The following ANO5 variants were observed in gnomAD, a reference collection of about 807,000 sequenced individuals.
ANO5 encodes anoctamin 5.
ANO5 carries 109 observed loss-of-function variants against 121.0 expected under a neutral mutation model. The ratio of observed to expected loss-of-function variants is 0.90; its 90% CI spans 0.77 to 1.06. The LOEUF is 1.06. Among genes scored for constraint, ANO5 ranks in the 50% least tolerant of loss-of-function variants. The pLI is 0.00. For synonymous variants in ANO5, 406 were observed against 359.9 expected (o/e 1.13, Z -1.45); for missense variants, 1,064 against 1,078.5 (o/e 0.99, Z 0.19).
rs1041937222 is a variant in ANO5 at position 22,197,604 on chromosome 11, G to A, written c.40+4072G>A. 4.6e-5 allele frequency among the ~76,000 whole-genome samples: 7 copies of A among 152,272 alleles called. 1 individual carries two copies. Among genetic ancestry groups the A allele is most frequent in the African/African-American group, 1.7e-4 (7 of 41,558 alleles). On this transcript the variant is annotated intron_variant, in intron 1 of 21. Transcript: ENST00000324559. ...TCCGTCTTTAGTAATGTTAATATTT[G>A]ATTAGAAATATTTTATTTTATACTG...
intron 8 of ANO5, among the ~76,000 whole-genome samples, chr11:22,239,011 TAGTC>T (rs1264431618): frequency 6.6e-6 from 1 of 152,144 alleles, no homozygotes; most frequent in Non-Finnish European, 1.5e-5. Context: ...TTAATAATAT[TAGTC>T]AGTATCTAAC....
chr11:22,247,352 A>G (rs2133693655), intron 9 of ANO5, among the ~76,000 whole-genome samples: 1 of 152,266 alleles, frequency 6.6e-6, no homozygotes, highest in South Asian at 2.1e-4. Context: ...AGAAAAGGAT[A>G]TTGCTCAATT....
intron 1 of ANO5, among the ~76,000 whole-genome samples, chr11:22,201,175 A>T (rs1182324521): frequency 6.6e-6 from 1 of 152,096 alleles, no homozygotes; most frequent in Non-Finnish European, 1.5e-5. Flanking sequence ...TTGGCTTTTC[A>T]TTTGCAGCCA....
intron 7 of ANO5, among the ~76,000 whole-genome samples, chr11:22,233,610 T>G (rs180971081): frequency 5.9e-4 from 89 of 151,964 alleles, no homozygotes; most frequent in African/African-American, 2.1e-3. Context: ...CAAAAAGAAG[T>G]CAGACTGAGC....
In ANO5 at chr11:22,255,417, A is replaced by G. The variant is rs781554633; in HGVS notation, c.1227A>G (p.Glu409=). Reference sequence around the variant, plus strand: ...GGAAACAACGACAAGCCAGACTGGAATATGAATGGGACCTGGTGGACTTTG... The same window carrying G: ...GGAAACAACGACAAGCCAGACTGGAGTATGAATGGGACCTGGTGGACTTTG... The part of the protein sequence containing the change: ...EFWKQRQARL[E]YEWDLVDFEE... The change falls in exon 13 of 22, where the codon GAA becomes GAG. Residue 409 remains glutamate (E), a synonymous_variant. Transcript: ENST00000324559. 3.7e-6 allele frequency: 6 copies of G among 1,612,718 alleles called. No homozygotes were observed. Among genetic ancestry groups the G allele is most frequent in the Non-Finnish European group, 5.1e-6 (6 of 1,179,006 alleles).
At chr11:22,242,664 G>A (rs1853470898) in intron 9 of ANO5, among the ~76,000 whole-genome samples, 1 of 152,048 alleles carries the variant, frequency 6.6e-6, no homozygotes, top group African/African-American at 2.4e-5. Flanking sequence ...TTGAAAATGG[G>A]ATTGTGTTCT....
rs1047405154 is a variant in ANO5, at chr11:22,255,249, C to G, written c.1181-122C>G. ...TTGATGAAGTTTTAATCAAACACAA[C>G]AGTGAAAGAATAGCCACCTGAAACA... On this transcript the variant is annotated intron_variant, in intron 12 of 21. Coordinates refer to ENST00000324559, the MANE Select transcript of ANO5 (RefSeq NM_213599.3). The G allele has an allele frequency of 5.7e-6, 4 of 700,882 alleles. No homozygotes were observed. In the African/African-American group the frequency reaches 7.2e-5, roughly 13 times the overall value. The allele number at this position is 700,882 out of a possible 1,614,324, so 43.4% of individuals were successfully genotyped here.
At chr11:22,272,230 A>G (rs905561841) in intron 18 of ANO5, among the ~76,000 whole-genome samples, 4 of 151,894 alleles carry the variant, frequency 2.6e-5, no homozygotes, top group Admixed American at 6.6e-5. Flanking sequence ...ATTTAGAAAG[A>G]TGTCATGATA....
rs769167407 is a variant in ANO5, at chr11:22,211,269, C to G, written c.93C>G (p.Ser31Arg). The G allele has an allele frequency of 6.2e-7, 1 of 1,612,002 alleles. No individual in the cohort carries two copies. Among genetic ancestry groups the G allele is most frequent in the Non-Finnish European group, 8.5e-7 (1 of 1,178,558 alleles). ...TCTTCCCCTGGTACTGTTAGCAGAG[C>G]CTGAGCAGCAGAGAGACCAGCTTTC... ...IDYSFQMSEQ[S>R]LSSRETSFLI... Residue 31 changes from serine (S) to arginine (R), a missense_variant, in exon 3 of 22, where the codon AGC becomes AGG. Transcript: ENST00000324559.
In ANO5 at chr11:22,244,247, C is replaced by G. The variant is rs150551519; in HGVS notation, c.878+4563C>G. Among the ~76,000 whole-genome samples, 17 of 152,178 alleles carry G rather than the reference C, an allele frequency of 1.1e-4. 1 individual carries two copies. The East Asian group carries it at 3.1e-3, about 28-fold the overall frequency. ...CAAATAGGCTTCCAATCTCTTCTGGCTTGTAAGATTTCTGCTGACAGGTCT... is the reference window on the plus strand; with the variant it reads ...CAAATAGGCTTCCAATCTCTTCTGGGTTGTAAGATTTCTGCTGACAGGTCT... On this transcript the variant is annotated intron_variant, in intron 9 of 21. Transcript: ENST00000324559.
At chr11:22,275,662 A>G (rs916292424) in intron 20 of ANO5, among the ~76,000 whole-genome samples, 2 of 151,930 alleles carry the variant, frequency 1.3e-5, no homozygotes, top group African/African-American at 4.8e-5. Context: ...AAGAGAAAAT[A>G]GAGTTCCAAG....
chr11:22,227,364 C>G lies in ANO5; in HGVS notation c.426C>G (p.Thr142=). Residue 142 remains threonine (T), a synonymous_variant, in exon 7 of 22, where the codon ACC becomes ACG. Coordinates refer to ENST00000324559, the MANE Select transcript of ANO5 (RefSeq NM_213599.3). ...ATGCCCCTTGGGAGGTATTAGTTAC[C>G]TATGCTGAAGTCTTGGGAATCAAAA... is the stretch of plus-strand genomic sequence containing the variant. The part of the protein sequence containing the change: ...KIHAPWEVLV[T]YAEVLGIKMP... 1 of 1,613,260 alleles carries G rather than the reference C, an allele frequency of 6.2e-7. No homozygotes were observed. The highest frequency in any genetic ancestry group is 8.5e-7 in the Non-Finnish European group (1 of 1,179,670).
chr11:22,220,190 T>C (rs532380400), intron 4 of ANO5, among the ~76,000 whole-genome samples: 37 of 152,042 alleles, frequency 2.4e-4, no homozygotes, highest in Non-Finnish European at 3.4e-4. Context: ...TAAAACCATA[T>C]AGTTACTCAT....
intron 1 of ANO5, among the ~76,000 whole-genome samples, chr11:22,203,453 A>T (rs1852022581): frequency 6.6e-6 from 1 of 152,080 alleles, no homozygotes; most frequent in Admixed American, 6.6e-5. Flanking sequence ...TCATGTGGTG[A>T]GAACTAAAAC....
intron 9 of ANO5, among the ~76,000 whole-genome samples, chr11:22,243,341 TC>T (rs1388658981): frequency 6.6e-6 from 1 of 152,108 alleles, no homozygotes; most frequent in East Asian, 1.9e-4. Context: ...AACTTTTGTG[TC>T]TGTATTCATC....
intron 5 of ANO5, among the ~76,000 whole-genome samples, chr11:22,222,889 T>C (rs1036214436): frequency 4.1e-4 from 62 of 152,126 alleles, no homozygotes; most frequent in African/African-American, 1.4e-3. Flanking sequence ...TAGATGACTG[T>C]TTTATAATGC....
At chr11:22,274,791 A>C in intron 20 of ANO5, 44 bp downstream of exon 20, 1 of 1,597,770 alleles carries the variant, frequency 6.3e-7, no homozygotes, top group East Asian at 2.2e-5. Context: ...TTTATCCCTT[A>C]AGCGTATTTC....
intron 5 of ANO5, among the ~76,000 whole-genome samples, chr11:22,224,715 G>A (rs551935556): frequency 6.6e-6 from 1 of 151,974 alleles, no homozygotes; most frequent in South Asian, 2.1e-4. Flanking sequence ...TAGACCACTG[G>A]GATTAAATCA....
In ANO5 at chr11:22,281,743, A is replaced by T. The variant is rs1482311705; in HGVS notation, c.*1978A>T. On this transcript the variant is annotated 3_prime_UTR_variant, in exon 22 of 22. Coordinates refer to ENST00000324559, the MANE Select transcript of ANO5 (RefSeq NM_213599.3). ...CATAGAGGTAGACTGTATGATAAATAAAAACAAATTTAATTCACAAAGTTA... is the reference window on the plus strand; with the variant it reads ...CATAGAGGTAGACTGTATGATAAATTAAAACAAATTTAATTCACAAAGTTA... 2 of 152,120 alleles carry T rather than the reference A, an allele frequency of 1.3e-5. No homozygotes were observed. The highest frequency in any genetic ancestry group is 2.9e-5 in the Non-Finnish European group (2 of 67,958). The allele number at this position is 152,120 out of a possible 1,614,324, so 9.4% of individuals were successfully genotyped here.
Sources: gnomAD v4.1 joint callset for allele counts (sites outside exome capture counted in the v4.1 genomes callset) on GRCh38, gnomAD v4.1.1 for gene constraint, MANE v1.5 for transcripts, NCBI Gene and HGNC (gene_info 2026-07-23, HGNC 2026-07-21) for gene names.